Variants in FXR2 observed in about 807,000 individuals in gnomAD.
The protein encoded by FXR2 is RNA-binding protein FXR2.
A neutral mutation model predicts 87.3 loss-of-function variants in FXR2; 9 were observed. The ratio of observed to expected loss-of-function variants is 0.10; its 90% CI spans 0.06 to 0.18. The LOEUF (loss-of-function observed/expected upper bound fraction) is 0.18. Among genes scored for constraint, FXR2 ranks in the 10% least tolerant of loss-of-function variants. The pLI is 1.00. For missense variants in FXR2, 661 were observed against 893.6 expected (o/e 0.74, Z 3.32); for synonymous variants, 331 against 328.3 (o/e 1.01, Z -0.09).
chr17:7,600,407 C>T (rs1300330610), intron 7 of FXR2, among the ~76,000 whole-genome samples: 2 of 152,002 alleles, frequency 1.3e-5, no homozygotes, highest in Non-Finnish European at 2.9e-5. Context: ...CCAGTCTCGA[C>T]TCCCAACCTC....
chr17:7,604,717 G>A (rs2071788740), intron 3 of FXR2, among the ~76,000 whole-genome samples: 1 of 145,496 alleles, frequency 6.9e-6, no homozygotes, highest in Non-Finnish European at 1.5e-5. Context: ...TATTTGGGAT[G>A]CATCTTTTTT....
intron 5 of FXR2, 95 bp from the exon 6 acceptor site, chr17:7,603,097 A>G (rs534950661): frequency 1.5e-6 from 1 of 663,458 alleles, no homozygotes; most frequent in South Asian, 1.8e-5. Flanking sequence ...CTGTAATCCT[A>G]GCACTTTGGG....
chr17:7,595,713 G>A lies in FXR2; in HGVS notation c.831+111C>T, dbSNP rs1185182576. 2 of 783,736 alleles carry A rather than the reference G, an allele frequency of 2.6e-6. No individual in the cohort carries two copies. The allele number at this position is 783,736 out of a possible 1,614,324, so 48.5% of individuals were successfully genotyped here. Reference sequence around the variant, plus strand: ...TCCTCTCACTTTGACCTCCGAAGGTGCTGGGATTACAGGTGTGAGCCACTG... The same window carrying A: ...TCCTCTCACTTTGACCTCCGAAGGTACTGGGATTACAGGTGTGAGCCACTG... On this transcript the variant is annotated intron_variant, in intron 8 of 16. Transcript: ENST00000250113. This position sits in a 1 kb window ranked among gnomAD's most constrained non-coding sequence, Gnocchi z 4.7.
At chr17:7,609,935 T>TATACATGTATATGTATAC (rs2071838281) in intron 1 of FXR2, among the ~76,000 whole-genome samples, 9 of 104,214 alleles carry the variant, frequency 8.6e-5, no homozygotes, top group African/African-American at 4.0e-4. Flanking sequence ...TATATGTATA[T>TATACATGTATATGTATAC]ATATACATGT....
At chr17:7,611,096 A>G (rs997741500) in intron 1 of FXR2, among the ~76,000 whole-genome samples, 1 of 152,198 alleles carries the variant, frequency 6.6e-6, no homozygotes, top group Non-Finnish European at 1.5e-5. Flanking sequence ...TGGAGTAGGA[A>G]GATTGCGCCC....
intron 1 of FXR2, among the ~76,000 whole-genome samples, chr17:7,609,961 T>C (rs868093874): frequency 1.0e-3 from 111 of 109,484 alleles, no homozygotes; most frequent in South Asian, 3.3e-3. Context: ...TATACATATA[T>C]ATACATGTAT....
At position 7,591,812 on chromosome 17, in the gene FXR2, G is replaced by A. The variant is rs780435818; in HGVS notation, c.*18C>T. On this transcript the variant is annotated 3_prime_UTR_variant, in exon 17 of 17. Transcript: ENST00000250113. This position sits in a 1 kb window ranked among gnomAD's most constrained non-coding sequence, Gnocchi z 4.0. ...GCAGCAAGCGAGATGGAGAAGGGAG[G>A]GGTGCAGGTTGGAGGTTTTATGAAA... 2.4e-6 allele frequency: 3 copies of A among 1,260,478 alleles called. No homozygotes were observed. Among genetic ancestry groups the A allele is most frequent in the Admixed American group, 3.4e-5 (2 of 59,474 alleles). The allele number at this position is 1,260,478 out of a possible 1,614,324, so 78.1% of individuals were successfully genotyped here. A position where few individuals can be genotyped will look rare whatever the true frequency, so the allele number is the denominator to read the frequency against.
intron 1 of FXR2, among the ~76,000 whole-genome samples, chr17:7,611,985 A>G (rs967245672): frequency 2.0e-5 from 3 of 152,026 alleles, no homozygotes; most frequent in Non-Finnish European, 4.4e-5. Flanking sequence ...CCCAAACTCT[A>G]CTCTCTGAAT....
intron 5 of FXR2, 35 bp downstream of exon 5, chr17:7,603,722 A>G (rs1374217356): frequency 1.9e-6 from 3 of 1,606,740 alleles, no homozygotes; most frequent in Non-Finnish European, 2.6e-6. Context: ...AGGGCTGTAA[A>G]GAGGGCCCTC....
intron 1 of FXR2, among the ~76,000 whole-genome samples, chr17:7,610,897 T>C (rs1038211265): frequency 1.4e-4 from 22 of 152,076 alleles, no homozygotes; most frequent in African/African-American, 5.3e-4. Flanking sequence ...CCTAGGTACT[T>C]TGGTTTCCTC....
rs377266798 is a variant in FXR2 at position 7,607,882 on chromosome 17, G to A, written c.82-1733C>T. Among the ~76,000 whole-genome samples the A allele has an allele frequency of 9.9e-5, 15 of 151,916 alleles. No homozygotes were observed. The East Asian group carries it at 1.2e-3, about 12-fold the overall frequency. On this transcript the variant is annotated intron_variant, in intron 1 of 16. Transcript: ENST00000250113. ...GCAACCTTGGCTCACCGCAACCTCC[G>A]CCTCCCAGGTTCAAGCAATTCTGCC...
In FXR2 at chr17:7,614,601, G is replaced by C. The variant is rs1321710352; in HGVS notation, c.-69C>G. On this transcript the variant is annotated 5_prime_UTR_variant, in exon 1 of 17. Transcript: ENST00000250113. ...GCAGTCTGAGTGCGGGCCGGGCCAGGCCCCCGGCGTCTCCCCGGAGGAGGA... is the reference window on the plus strand; with the variant it reads ...GCAGTCTGAGTGCGGGCCGGGCCAGCCCCCCGGCGTCTCCCCGGAGGAGGA... 1 of 997,880 alleles carries C rather than the reference G, an allele frequency of 1.0e-6. No individual in the cohort carries two copies. Among genetic ancestry groups the C allele is most frequent in the Non-Finnish European group, 1.3e-6 (1 of 758,338 alleles). The allele number at this position is 997,880 out of a possible 1,614,324, so 61.8% of individuals were successfully genotyped here. A position where few individuals can be genotyped will look rare whatever the true frequency, so the allele number is the denominator to read the frequency against.
chr17:7,602,930 T>G lies in FXR2; in HGVS notation c.522A>C (p.Thr174=), dbSNP rs773484334. ...LGANCIFLNI[T]NSELFILSTT... is the part of the protein sequence containing the mutation. ...TCACCAGAATGAAGAGCTCACTGTT[T>G]GTGATGTTGAGAAAGATGCAGTTGG... is the stretch of plus-strand genomic sequence containing the variant. Residue 174 remains threonine, a synonymous_variant, in exon 6 of 17, where the codon ACA becomes ACC. Transcript: ENST00000250113. 3 of 1,541,632 alleles carry G rather than the reference T, an allele frequency of 1.9e-6. No homozygotes were observed. Among genetic ancestry groups the G allele is most frequent in the Non-Finnish European group, 2.7e-6 (3 of 1,115,054 alleles).
In FXR2 at chr17:7,595,706, C is replaced by T. The variant is rs1420585352; in HGVS notation, c.831+118G>A. On this transcript the variant is annotated intron_variant, in intron 8 of 16. Transcript: ENST00000250113. This position sits in a 1 kb window ranked among gnomAD's most constrained non-coding sequence, Gnocchi z 4.7. ...CAAGTGATCCTCTCACTTTGACCTC[C>T]GAAGGTGCTGGGATTACAGGTGTGA... is the stretch of plus-strand genomic sequence containing the variant. 8 of 740,874 alleles carry T rather than the reference C, an allele frequency of 1.1e-5. No homozygotes were observed. Among genetic ancestry groups the T allele is most frequent in the African/African-American group, 5.3e-5 (3 of 56,578 alleles). 45.9% of individuals were successfully genotyped at this position (740,874 alleles called of 1,614,324 possible). A position where few individuals can be genotyped will look rare whatever the true frequency, so the allele number is the denominator to read the frequency against.
In FXR2 at chr17:7,594,806, G is replaced by T; in HGVS notation, c.832-49C>A. 1 of 1,141,124 alleles carries T rather than the reference G, an allele frequency of 8.8e-7. No individual in the cohort carries two copies. The highest frequency in any genetic ancestry group is 1.3e-6 in the Non-Finnish European group (1 of 748,710). 70.7% of individuals were successfully genotyped at this position (1,141,124 alleles called of 1,614,324 possible). ...TGTTACTAAAACAGAAGACCAGCTG[G>T]ATGTGGTGGCTCACGCCTGTAATCC... On this transcript the variant is annotated intron_variant, in intron 8 of 16. Coordinates refer to ENST00000250113, the MANE Select transcript of FXR2 (RefSeq NM_004860.4). The surrounding 1 kb of genome is among the most constrained non-coding windows in gnomAD (Gnocchi z 5.1).
At chr17:7,600,554 T>G (rs894303389) in intron 7 of FXR2, among the ~76,000 whole-genome samples, 4 of 152,166 alleles carry the variant, frequency 2.6e-5, no homozygotes, top group Non-Finnish European at 5.9e-5. Context: ...TCCTAGCACT[T>G]TGCAAAGTAC....
chr17:7,606,562 G>A (rs998913322), intron 1 of FXR2, among the ~76,000 whole-genome samples: 8 of 152,300 alleles, frequency 5.3e-5, no homozygotes, highest in South Asian at 2.1e-4. Context: ...AGGATCTGTC[G>A]AGAGAGAAGG....
rs749341461 is a variant in FXR2 at position 7,593,468 on chromosome 17, G to C, written c.1265C>G (p.Thr422Ser). ...DESSSSSLHA[T>S]RTYGGSYGGR... Reference sequence around the variant, plus strand: ...CCCATAGCTGCCCCCATAGGTTCGAGTCGCATGGAGGGAGGAGGAGGAGCT... The same window carrying C: ...CCCATAGCTGCCCCCATAGGTTCGACTCGCATGGAGGGAGGAGGAGGAGCT... Residue 422 changes from threonine to serine, a missense_variant, in exon 12 of 17, where the codon ACT becomes AGT. Around this residue, in one of 3 missense-constraint regions of FXR2, gnomAD observed 409 missense variants for 432.0 expected, o/e 0.95. Transcript: ENST00000250113. This position sits in a 1 kb window ranked among gnomAD's most constrained non-coding sequence, Gnocchi z 6.1. 6 of 1,590,098 alleles carry C rather than the reference G, an allele frequency of 3.8e-6. No homozygotes were observed. The highest frequency in any genetic ancestry group is 4.3e-6 in the Non-Finnish European group (5 of 1,169,366).
At position 7,593,314 on chromosome 17, in the gene FXR2, T is replaced by TC; in HGVS notation, c.1330+88_1330+89insG. The TC allele has an allele frequency of 8.1e-7, 1 of 1,238,602 alleles. No homozygotes were observed. The highest frequency in any genetic ancestry group is 1.1e-6 in the Non-Finnish European group (1 of 891,950). 76.7% of individuals were successfully genotyped at this position (1,238,602 alleles called of 1,614,324 possible). ...ATCAATCACTTTTTCATCATCTCCA[T>TC]TCCAGATTTCCCCAAACTTCCATCC... On this transcript the variant is annotated intron_variant, in intron 12 of 16. Transcript: ENST00000250113. This position sits in a 1 kb window ranked among gnomAD's most constrained non-coding sequence, Gnocchi z 6.1.
Sources: gnomAD v4.1 joint callset for allele counts (sites outside exome capture counted in the v4.1 genomes callset) on GRCh38, gnomAD v4.1.1 for gene constraint, gnomAD v4.1.1 regional missense constraint, Gnocchi (gnomAD v3.1) non-coding constraint, MANE v1.5 for transcripts, NCBI Gene and HGNC (gene_info 2026-07-23, HGNC 2026-07-21) for gene names.